PPM1B: variants seen among roughly 807,000 people sequenced by gnomAD.
PPM1B encodes the protein protein phosphatase 1B.
A neutral mutation model predicts 43.0 loss-of-function variants in PPM1B; 22 were observed. The ratio of observed to expected loss-of-function variants is 0.51; its 90% CI spans 0.37 to 0.73. The LOEUF is 0.73. Ranked by LOEUF, PPM1B falls within the 30% of genes least tolerant of loss-of-function variation. PPM1B has a pLI of 0.00. For missense variants in PPM1B, 632 were observed against 584.2 expected (o/e 1.08, Z -0.84); for synonymous variants, 217 against 197.9 (o/e 1.10, Z -0.81).
At chr2:44,191,208 ATTTGTT>A (rs1264527289) in intron 1 of PPM1B, among the ~76,000 whole-genome samples, 1 of 151,814 alleles carries the variant, frequency 6.6e-6, no homozygotes, top group East Asian at 1.9e-4. Flanking sequence ...TGTAAATTTT[ATTTGTT>A]TTTGTTTTTG....
chr2:44,237,969 C>T (rs537843628), downstream of PPM1B, among the ~76,000 whole-genome samples: 2 of 152,282 alleles, frequency 1.3e-5, no homozygotes, highest in Non-Finnish European at 2.9e-5. Context: ...GGCACGATCT[C>T]GGCTCACTGC....
intron 2 of PPM1B, among the ~76,000 whole-genome samples, chr2:44,208,321 GTCTTT>G (rs554325220): frequency 7.2e-5 from 11 of 152,332 alleles, no homozygotes; most frequent in African/African-American, 2.4e-4. Context: ...GCAATCTGAT[GTCTTT>G]TCTTTTAAAA....
chr2:44,216,728 C>G (rs189185944), intron 3 of PPM1B, among the ~76,000 whole-genome samples: 1 of 151,788 alleles, frequency 6.6e-6, no homozygotes, highest in Non-Finnish European at 1.5e-5. Context: ...GAATTCAAGA[C>G]CAGCCTGGCC....
chr2:44,238,859 C>A (rs939620166), downstream of PPM1B, among the ~76,000 whole-genome samples: 1 of 151,888 alleles, frequency 6.6e-6, no homozygotes, highest in Non-Finnish European at 1.5e-5. Context: ...TTAATTAAAT[C>A]CAATAACTTT....
intron 1 of PPM1B, among the ~76,000 whole-genome samples, chr2:44,200,188 C>T (rs994984660): frequency 6.6e-6 from 1 of 152,186 alleles, no homozygotes; most frequent in Non-Finnish European, 1.5e-5. Context: ...TCATTCTTCA[C>T]AGCAGCCCTA....
chr2:44,212,099 CT>C (rs1313135203), intron 3 of PPM1B, among the ~76,000 whole-genome samples: 4 of 152,116 alleles, frequency 2.6e-5, no homozygotes, highest in African/African-American at 9.7e-5. Flanking sequence ...GAAAAATGTT[CT>C]TTTCTGCCTG....
intron 5 of PPM1B, among the ~76,000 whole-genome samples, chr2:44,242,031 T>C (rs1426414593): frequency 6.6e-6 from 1 of 151,564 alleles, no homozygotes; most frequent in Non-Finnish European, 1.5e-5. Flanking sequence ...GCTAATTTTT[T>C]GTATTTTTAG....
intron 5 of PPM1B, among the ~76,000 whole-genome samples, chr2:44,224,845 A>G (rs981160628): frequency 3.3e-5 from 5 of 152,204 alleles, no homozygotes; most frequent in African/African-American, 4.8e-5. Flanking sequence ...TAATTTTACT[A>G]TATTAAGGAA....
chr2:44,203,954 C>T (rs1220670053), intron 2 of PPM1B, among the ~76,000 whole-genome samples: 1 of 152,090 alleles, frequency 6.6e-6, no homozygotes, highest in Non-Finnish European at 1.5e-5. Context: ...TAGCTTTTAT[C>T]AATTTAGAGT....
intron 1 of PPM1B, among the ~76,000 whole-genome samples, chr2:44,184,729 G>A (rs1668042226): frequency 6.6e-6 from 1 of 151,914 alleles, no homozygotes; most frequent in Non-Finnish European, 1.5e-5. Context: ...TTCTTAAGCT[G>A]GAGCCCACAG....
downstream of PPM1B, among the ~76,000 whole-genome samples, chr2:44,238,867 T>C (rs1243123649): frequency 6.6e-6 from 1 of 152,144 alleles, no homozygotes; most frequent in African/African-American, 2.4e-5. Context: ...ATCCAATAAC[T>C]TTAAAATGTA....
chr2:44,239,299 CT>C (rs1402332684), downstream of PPM1B, among the ~76,000 whole-genome samples: 1 of 151,492 alleles, frequency 6.6e-6, no homozygotes, highest in Non-Finnish European at 1.5e-5. Flanking sequence ...TGAGTTTCCT[CT>C]TTTCTGAATT....
chr2:44,239,179 C>CAAAA (rs1193340508), downstream of PPM1B, among the ~76,000 whole-genome samples: 52 of 89,620 alleles, frequency 5.8e-4, no homozygotes, highest in African/African-American at 6.6e-4. Context: ...GTCTCTAATA[C>CAAAA]AAAAAAAAAA....
chr2:44,222,890 G>C (rs1280811517), intron 5 of PPM1B, among the ~76,000 whole-genome samples: 1 of 152,070 alleles, frequency 6.6e-6, no homozygotes, highest in Non-Finnish European at 1.5e-5. Flanking sequence ...GAGTGCTATG[G>C]CACCATCATG....
At chr2:44,195,986 A>G (rs1400693281) in intron 1 of PPM1B, among the ~76,000 whole-genome samples, 1 of 152,314 alleles carries the variant, frequency 6.6e-6, no homozygotes, top group South Asian at 2.1e-4. Flanking sequence ...TATCATGTTA[A>G]GTGAGCTTTC....
At chr2:44,228,364 G>T (rs770649027) in intron 5 of PPM1B, among the ~76,000 whole-genome samples, 3 of 151,902 alleles carry the variant, frequency 2.0e-5, no homozygotes, top group Non-Finnish European at 2.9e-5. Flanking sequence ...TGTAGAGATA[G>T]GGTCTCATTG....
At position 44,169,098 on chromosome 2, in the gene PPM1B, G is replaced by C. The variant is rs1229917261; in HGVS notation, c.-191G>C. The C allele has an allele frequency of 1.7e-5, 3 of 176,508 alleles. No individual in the cohort carries two copies. The highest frequency in any genetic ancestry group is 7.3e-5 in the African/African-American group (3 of 41,332). The allele number at this position is 176,508 out of a possible 1,614,324, so 10.9% of individuals were successfully genotyped here. A position where few individuals can be genotyped will look rare whatever the true frequency, so the allele number is the denominator to read the frequency against. On this transcript the variant is annotated 5_prime_UTR_variant, in exon 1 of 6. Transcript: ENST00000282412. The stretch of plus-strand genomic sequence containing the variant: ...GCTAGGGTGGAGAGAAGGCGGCATC[G>C]GCGGCGGCGGCGGCGTGAGGGGCCG...
intron 1 of PPM1B, among the ~76,000 whole-genome samples, chr2:44,193,344 C>T (rs1668497672): frequency 1.3e-5 from 2 of 151,760 alleles, no homozygotes; most frequent in Admixed American, 1.3e-4. Context: ...ATCTATTGGC[C>T]ATTTGTATGC....
chr2:44,216,282 A>G (rs939995647), intron 3 of PPM1B, among the ~76,000 whole-genome samples: 1 of 152,136 alleles, frequency 6.6e-6, no homozygotes, highest in Non-Finnish European at 1.5e-5. Flanking sequence ...GTCATAGCTG[A>G]GGGGGTGCCA....
Sources: gnomAD v4.1 joint callset for allele counts (sites outside exome capture counted in the v4.1 genomes callset) on GRCh38, gnomAD v4.1.1 for gene constraint, MANE v1.5 for transcripts, NCBI Gene and HGNC (gene_info 2026-07-23, HGNC 2026-07-21) for gene names.